The following AVEN variants were observed in gnomAD, a reference collection of about 807,000 sequenced individuals.
AVEN encodes the protein apoptosis and caspase activation inhibitor, also known as cell death regulator Aven.
AVEN carries 41 observed loss-of-function variants against 38.1 expected under a neutral mutation model. The ratio of observed to expected loss-of-function variants is 1.08; its 90% CI spans 0.84 to 1.40. The LOEUF is 1.40. Among genes scored for constraint, AVEN ranks in the 40% most tolerant of loss-of-function variants. The pLI, the probability that AVEN is intolerant of heterozygous loss-of-function variation, is 0.00. For missense variants in AVEN, 605 were observed against 438.8 expected (o/e 1.38, Z -3.38); for synonymous variants, 206 against 171.8 (o/e 1.20, Z -1.56).
rs1158303736 is a variant in AVEN, at chr15:33,871,308, C to T, written c.517-278G>A. 3.3e-5 allele frequency among the ~76,000 whole-genome samples: 5 copies of T among 152,034 alleles called. 1 individual carries two copies. Among genetic ancestry groups the T allele is most frequent in the South Asian group, 4.2e-4 (2 of 4,814 alleles). On this transcript the variant is annotated intron_variant, in intron 3 of 5. Coordinates refer to ENST00000306730, the MANE Select transcript of AVEN (RefSeq NM_020371.3). ...CAGGCTGGGCGCAGTGGCTCATGCC[C>T]GTAATCCCAGCACTTCAGGAGGCCG... is the stretch of plus-strand genomic sequence containing the variant.
intron 2 of AVEN, among the ~76,000 whole-genome samples, chr15:33,894,193 G>A (rs950811552): frequency 3.9e-5 from 6 of 152,012 alleles, no homozygotes; most frequent in Middle Eastern, 3.4e-3. Flanking sequence ...TAGGTGATCT[G>A]CCCACTTCGG....
At chr15:34,065,146 T>TG (rs1900477303) in intron 4 of AVEN, 1 of 159,114 alleles carries the variant, frequency 6.3e-6, no homozygotes, top group Admixed American at 6.5e-5. Flanking sequence ...AAACAGATAT[T>TG]GTGCATTCTA....
downstream of AVEN, among the ~76,000 whole-genome samples, chr15:33,863,512 C>G (rs112722960): frequency 6.6e-6 from 1 of 152,194 alleles, no homozygotes; most frequent in South Asian, 2.1e-4. Flanking sequence ...CCTTTGGAAA[C>G]GGTCTCTGAG....
At chr15:34,000,276 A>C (rs1597332992) in intron 2 of AVEN, among the ~76,000 whole-genome samples, 1 of 152,120 alleles carries the variant, frequency 6.6e-6, no homozygotes, top group South Asian at 2.1e-4. Flanking sequence ...TAGAAAGTCA[A>C]CTCTGTGAGA....
intron 2 of AVEN, among the ~76,000 whole-genome samples, chr15:33,945,556 G>C (rs1489529573): frequency 6.6e-5 from 10 of 151,960 alleles, no homozygotes; most frequent in African/African-American, 2.4e-4. Flanking sequence ...ATGATTTTGT[G>C]GGTCTGCTTG....
At chr15:33,887,282 G>A (rs1891743616) in intron 2 of AVEN, among the ~76,000 whole-genome samples, 2 of 152,124 alleles carry the variant, frequency 1.3e-5, no homozygotes, top group South Asian at 2.1e-4. Flanking sequence ...AGCTTCTAGG[G>A]GAGGGATTGT....
At chr15:34,075,031 G>A (rs187504146) in exon 1 of AVEN, among the ~76,000 whole-genome samples, 1 of 152,082 alleles carries the variant, frequency 6.6e-6, no homozygotes, top group Admixed American at 6.5e-5. Context: ...ACAAAAAGTA[G>A]CTGGGCGTGG....
intron 2 of AVEN, among the ~76,000 whole-genome samples, chr15:33,919,253 A>T (rs1317562465): frequency 6.6e-6 from 1 of 152,180 alleles, no homozygotes; most frequent in Non-Finnish European, 1.5e-5. Context: ...TAACATAAAT[A>T]TTCTTAGCAG....
chr15:33,886,746 C>T (rs1891718277), intron 2 of AVEN, among the ~76,000 whole-genome samples: 1 of 152,186 alleles, frequency 6.6e-6, no homozygotes, highest in Non-Finnish European at 1.5e-5. Flanking sequence ...TATAAATTAT[C>T]CAGTCTTGGG....
downstream of AVEN, chr15:33,864,874 C>CATTG (rs1412751065): frequency 1.6e-5 from 7 of 440,224 alleles, no homozygotes; most frequent in East Asian, 7.1e-5. Flanking sequence ...TAGTGGCAAA[C>CATTG]ATTGATTGGT....
intron 5 of AVEN, chr15:34,062,704 A>C (rs972698566): frequency 6.3e-7 from 1 of 1,593,270 alleles, no homozygotes; most frequent in African/African-American, 1.3e-5. Flanking sequence ...TTACTGTAAA[A>C]TTTTTGCACC....
At chr15:34,070,261 T>C (rs1427111073) in intron 2 of AVEN, among the ~76,000 whole-genome samples, 1 of 152,008 alleles carries the variant, frequency 6.6e-6, no homozygotes, top group African/African-American at 2.4e-5. Context: ...CCACAAGACA[T>C]GGGGATTATG....
intron 2 of AVEN, among the ~76,000 whole-genome samples, chr15:33,917,421 A>C (rs1893184951): frequency 6.7e-6 from 1 of 149,538 alleles, no homozygotes; most frequent in Non-Finnish European, 1.5e-5. Flanking sequence ...ATATATATAC[A>C]CACACTATAT....
rs867941087 is a variant in AVEN at position 34,033,610 on chromosome 15, T to C, written c.267+5170A>G. Among the ~76,000 whole-genome samples, 4 of 152,192 alleles carry C rather than the reference T, an allele frequency of 2.6e-5. No individual in the cohort carries two copies. In the South Asian group the frequency reaches 8.3e-4, roughly 31 times the overall value. ...TAGCACCCAAGCCTGTAGAGTTATA[T>C]AACATTTTTTAAGTCAACATTTATT... is the stretch of plus-strand genomic sequence containing the variant. On this transcript the variant is annotated intron_variant, in intron 1 of 5. Coordinates refer to ENST00000306730, the MANE Select transcript of AVEN (RefSeq NM_020371.3).
intron 2 of AVEN, among the ~76,000 whole-genome samples, chr15:33,918,387 G>A (rs562070086): frequency 3.3e-4 from 50 of 149,646 alleles, no homozygotes; most frequent in African/African-American, 1.2e-3. Context: ...GTTGAACATC[G>A]CTATAATTTG....
chr15:33,990,772 T>C (rs2140567489), intron 2 of AVEN: 1 of 152,370 alleles, frequency 6.6e-6, no homozygotes, highest in Non-Finnish European at 1.5e-5. Flanking sequence ...TTGATGACTT[T>C]AATTTGCCGT....
At chr15:33,972,761 T>A (rs1034043971) in intron 2 of AVEN, among the ~76,000 whole-genome samples, 1 of 152,188 alleles carries the variant, frequency 6.6e-6, no homozygotes, top group Non-Finnish European at 1.5e-5. Flanking sequence ...GCAGACCAAC[T>A]AATCCTTCCA....
At chr15:33,853,034 T>C in the AVEN span, 4 of 1,603,086 alleles carry the variant, frequency 2.5e-6, no homozygotes, top group Non-Finnish European at 8.5e-7. Context: ...CTTTTTCGTT[T>C]TGTTTTTCAG....
At chr15:33,893,836 C>T (rs892160684) in intron 2 of AVEN, among the ~76,000 whole-genome samples, 8 of 152,072 alleles carry the variant, frequency 5.3e-5, no homozygotes, top group Non-Finnish European at 1.0e-4. Context: ...ATCAAAGAAG[C>T]AGTTGGAATA....
Sources: allele counts gnomAD v4.1 joint callset (sites outside exome capture counted in the v4.1 genomes callset), GRCh38; gene constraint gnomAD v4.1.1; transcripts MANE v1.5; gene names NCBI Gene and HGNC (gene_info 2026-07-23, HGNC 2026-07-21).